Variants in VSTM4 observed in about 807,000 individuals in gnomAD.
VSTM4 encodes V-set and transmembrane domain-containing protein 4.
In VSTM4, 20 loss-of-function variants were observed where a neutral mutation model predicts 36.4. The ratio of observed to expected loss-of-function variants is 0.55; its 90% confidence interval spans 0.39 to 0.80. VSTM4 has a LOEUF of 0.80. Among genes scored for constraint, VSTM4 ranks in the 30% least tolerant of loss-of-function variants. The pLI, the probability that VSTM4 is intolerant of heterozygous loss-of-function variation, is 0.00. For synonymous variants in VSTM4, 182 were observed against 173.9 expected, an observed-to-expected ratio of 1.05 and a Z score of -0.37; for missense variants, 392 against 404.5, an observed-to-expected ratio of 0.97 and a Z score of 0.26.
At chr10:49,077,192 C>T (rs534161639) in intron 4 of VSTM4, 27 bp downstream of exon 4, 6 of 1,610,890 alleles carry the variant, frequency 3.7e-6, no homozygotes, top group Non-Finnish European at 5.1e-6. Context: ...GCTCCCATCC[C>T]AGACATGACC....
chr10:49,042,081 C>G (rs1843530452), intron 7 of VSTM4, among the ~76,000 whole-genome samples: 1 of 152,300 alleles, frequency 6.6e-6, no homozygotes, highest in East Asian at 1.9e-4. Context: ...AACACGCACA[C>G]CCAGATGTGC....
intron 2 of VSTM4, among the ~76,000 whole-genome samples, chr10:49,092,603 G>A (rs924718434): frequency 2.0e-5 from 3 of 152,192 alleles, no homozygotes; most frequent in African/African-American, 7.2e-5. Flanking sequence ...GGGAAGGGGC[G>A]TGCTGGGTAG....
intron 2 of VSTM4, 128 bp from the exon 3 acceptor site, chr10:49,086,151 G>T (rs1844367336): frequency 3.5e-6 from 2 of 563,962 alleles, no homozygotes; most frequent in Admixed American, 3.7e-5. Context: ...CACATGTTAG[G>T]GAGGGGTGCA....
intron 2 of VSTM4, among the ~76,000 whole-genome samples, chr10:49,098,042 C>T (rs764761503): frequency 4.6e-5 from 7 of 152,172 alleles, no homozygotes; most frequent in African/African-American, 1.7e-4. Context: ...CCTGGACACT[C>T]TCAATGTAAA....
At chr10:49,038,801 C>T (rs559437292) in intron 7 of VSTM4, among the ~76,000 whole-genome samples, 1 of 152,142 alleles carries the variant, frequency 6.6e-6, no homozygotes, top group East Asian at 1.9e-4. Context: ...TGAGGACCCC[C>T]GTTAGGGGAC....
At chr10:49,036,207 C>A (rs1255989273) in intron 7 of VSTM4, among the ~76,000 whole-genome samples, 11 of 152,156 alleles carry the variant, frequency 7.2e-5, no homozygotes, top group Non-Finnish European at 2.9e-5. Flanking sequence ...GCACGCCCAT[C>A]CCTTCTGAAG....
intron 7 of VSTM4, among the ~76,000 whole-genome samples, chr10:49,034,894 C>A (rs1843404168): frequency 6.6e-6 from 1 of 152,156 alleles, no homozygotes; most frequent in Admixed American, 6.5e-5. Context: ...GATATTGTTT[C>A]ATGAGATTTC....
intron 4 of VSTM4, among the ~76,000 whole-genome samples, chr10:49,076,663 T>C (rs147482475): frequency 3.8e-4 from 58 of 152,196 alleles, no homozygotes; most frequent in African/African-American, 1.3e-3. Flanking sequence ...AGAACTACAC[T>C]TTCCTGAGAG....
chr10:49,043,483 A>G (rs560641458), intron 7 of VSTM4, among the ~76,000 whole-genome samples: 2 of 152,324 alleles, frequency 1.3e-5, no homozygotes, highest in South Asian at 4.1e-4. Context: ...GTTCAGAGAA[A>G]TGCATTATGA....
chr10:49,078,575 T>C (rs12769361), intron 3 of VSTM4, among the ~76,000 whole-genome samples: 41,499 of 150,954 alleles, frequency 0.27, 5,866 homozygotes, highest in Admixed American at 0.35. Context: ...ACATTCTTCA[T>C]CAATGTAACA....
chr10:49,107,540 G>A (rs1844804645), intron 2 of VSTM4, 54 bp downstream of exon 2: 4 of 1,536,732 alleles, frequency 2.6e-6, no homozygotes, highest in Admixed American at 2.0e-5. Flanking sequence ...TGCAAAGGGG[G>A]GCCTACTGGC....
intron 2 of VSTM4, among the ~76,000 whole-genome samples, chr10:49,097,877 C>T (rs1844600484): frequency 6.6e-6 from 1 of 152,206 alleles, no homozygotes; most frequent in Admixed American, 6.5e-5. Flanking sequence ...TCAACTACTT[C>T]AGCAAAACTA....
intron 7 of VSTM4, among the ~76,000 whole-genome samples, chr10:49,022,225 T>C (rs956638090): frequency 6.6e-5 from 10 of 152,246 alleles, no homozygotes; most frequent in Admixed American, 5.9e-4. Flanking sequence ...TTTAAGCACC[T>C]CTGCTCTTTA....
At chr10:49,105,295 CAGAG>C (rs1466155182) in intron 2 of VSTM4, among the ~76,000 whole-genome samples, 6 of 111,550 alleles carry the variant, frequency 5.4e-5, no homozygotes, top group African/African-American at 2.2e-4. Flanking sequence ...CGAAGAGACA[CAGAG>C]GGAGGAAGAG....
At chr10:49,077,817 G>A (rs938407665) in intron 3 of VSTM4, among the ~76,000 whole-genome samples, 5 of 152,078 alleles carry the variant, frequency 3.3e-5, no homozygotes, top group African/African-American at 1.2e-4. Flanking sequence ...TACTATACTT[G>A]ACTTTACCAA....
At chr10:49,055,549 T>C (rs910104910) in intron 5 of VSTM4, among the ~76,000 whole-genome samples, 1 of 152,200 alleles carries the variant, frequency 6.6e-6, no homozygotes, top group Non-Finnish European at 1.5e-5. Flanking sequence ...TAGATACCCC[T>C]TCTCCCCAAG....
At chr10:49,107,540 G>T in intron 2 of VSTM4, 54 bp downstream of exon 2, 1 of 1,536,732 alleles carries the variant, frequency 6.5e-7, no homozygotes, top group Non-Finnish European at 8.8e-7. Context: ...TGCAAAGGGG[G>T]GCCTACTGGC....
chr10:49,105,382 C>T (rs1246007597), intron 2 of VSTM4, among the ~76,000 whole-genome samples: 1 of 144,056 alleles, frequency 6.9e-6, no homozygotes, highest in South Asian at 2.3e-4. Flanking sequence ...GAGAGAGAGA[C>T]AGAAAGAGAG....
intron 3 of VSTM4, among the ~76,000 whole-genome samples, chr10:49,080,896 A>C (rs966372250): frequency 1.3e-5 from 2 of 152,220 alleles, no homozygotes; most frequent in African/African-American, 4.8e-5. Flanking sequence ...GCTAAAAATC[A>C]AAACTGCCTT....
Sources: allele counts gnomAD v4.1 joint callset (sites outside exome capture counted in the v4.1 genomes callset), GRCh38; gene constraint gnomAD v4.1.1; transcripts MANE v1.5; gene names NCBI Gene and HGNC (gene_info 2026-07-23, HGNC 2026-07-21).